Variants in LHFPL3 observed in about 807,000 individuals in gnomAD.
LHFPL3 encodes the protein LHFPL tetraspan subfamily member 3 protein.
LHFPL3 carries 5 observed loss-of-function variants against 19.3 expected under a neutral mutation model. The ratio of observed to expected loss-of-function variants is 0.26; its 90% confidence interval spans 0.14 to 0.54. LHFPL3 has a LOEUF of 0.54. Among genes scored for constraint, LHFPL3 ranks in the 20% least tolerant of loss-of-function variants. The pLI is 0.94. For missense variants in LHFPL3, 249 were observed against 307.4 expected, an observed-to-expected ratio of 0.81 and a Z score of 1.42; for synonymous variants, 133 against 126.2, an observed-to-expected ratio of 1.05 and a Z score of -0.36.
intron 1 of LHFPL3, among the ~76,000 whole-genome samples, chr7:104,679,049 T>C (rs1299579435): frequency 6.6e-6 from 1 of 152,260 alleles, no homozygotes; most frequent in African/African-American, 2.4e-5. Context: ...ACTTAAAACA[T>C]TAGTCACATA....
At chr7:104,855,560 A>T (rs1791486857) in intron 2 of LHFPL3, among the ~76,000 whole-genome samples, 1 of 152,234 alleles carries the variant, frequency 6.6e-6, no homozygotes, top group African/African-American at 2.4e-5. Context: ...TAGCTTAACA[A>T]TCCAAAAGAA....
intron 2 of LHFPL3, among the ~76,000 whole-genome samples, chr7:104,827,656 A>G (rs1354343947): frequency 6.6e-6 from 1 of 151,502 alleles, no homozygotes; most frequent in Non-Finnish European, 1.5e-5. Flanking sequence ...TAAGAAGCTG[A>G]CCTTTCCATA....
At chr7:104,571,424 A>G (rs1037078041) in intron 1 of LHFPL3, among the ~76,000 whole-genome samples, 2 of 152,118 alleles carry the variant, frequency 1.3e-5, no homozygotes, top group African/African-American at 4.8e-5. Context: ...TTCAGCATAA[A>G]TCACAGCATC....
intron 2 of LHFPL3, among the ~76,000 whole-genome samples, chr7:104,836,391 T>TTCCC (rs1219759583): frequency 6.6e-6 from 1 of 152,222 alleles, no homozygotes; most frequent in Non-Finnish European, 1.5e-5. Context: ...GTCTTGTTGC[T>TTCCC]TTCTTCTATT....
At chr7:104,360,847 G>T (rs939993954) in intron 1 of LHFPL3, among the ~76,000 whole-genome samples, 8 of 152,198 alleles carry the variant, frequency 5.3e-5, no homozygotes, top group African/African-American at 1.9e-4. Context: ...AAGACTCAAA[G>T]ATCCCCACTT....
chr7:104,426,943 A>G (rs1320935822), intron 1 of LHFPL3, among the ~76,000 whole-genome samples: 2 of 152,182 alleles, frequency 1.3e-5, no homozygotes, highest in Non-Finnish European at 1.5e-5. Context: ...CCAACCCCCA[A>G]CACGTGTGTG....
Position 104,801,040 on chromosome 7 carries a change from C to T in LHFPL3, c.682+64129C>T, listed in dbSNP as rs1790235327. ...GACTAAGAATATGTTTCCAGTTTCC[C>T]AAGGGCTGACCAATGTATGCAGGGA... On this transcript the variant is annotated intron_variant, in intron 2 of 2. Coordinates refer to ENST00000424859, the MANE Select transcript of LHFPL3 (RefSeq NM_199000.3). Among the ~76,000 whole-genome samples the T allele has an allele frequency of 5.3e-5, 8 of 152,192 alleles. No individual in the cohort carries two copies. The South Asian group carries it at 1.7e-3, about 31-fold the overall frequency.
chr7:104,459,276 C>A (rs1028504070), intron 1 of LHFPL3, among the ~76,000 whole-genome samples: 5 of 152,202 alleles, frequency 3.3e-5, no homozygotes, highest in Non-Finnish European at 5.9e-5. Flanking sequence ...TTCAACTCCA[C>A]ATTTAAGTAT....
intron 1 of LHFPL3, among the ~76,000 whole-genome samples, chr7:104,385,780 G>C (rs1311041873): frequency 6.6e-6 from 1 of 152,058 alleles, no homozygotes; most frequent in Non-Finnish European, 1.5e-5. Context: ...ATGTTTCTAA[G>C]TAGAAAACGA....
intron 1 of LHFPL3, among the ~76,000 whole-genome samples, chr7:104,449,753 G>C (rs1317417207): frequency 1.3e-5 from 2 of 152,148 alleles, no homozygotes; most frequent in Non-Finnish European, 2.9e-5. Flanking sequence ...CATCACTCCA[G>C]GGTGCTTTTC....
chr7:104,899,180 C>T (rs1792433755), intron 2 of LHFPL3, among the ~76,000 whole-genome samples: 1 of 151,698 alleles, frequency 6.6e-6, no homozygotes, highest in South Asian at 2.1e-4. Flanking sequence ...GTTATAAACA[C>T]CTTATAAGCA....
chr7:104,425,248 TG>T (rs1168611212), intron 1 of LHFPL3, among the ~76,000 whole-genome samples: 1 of 151,990 alleles, frequency 6.6e-6, no homozygotes, highest in East Asian at 1.9e-4. Flanking sequence ...TTTGGTGGGG[TG>T]GGGGTATCCC....
intron 1 of LHFPL3, among the ~76,000 whole-genome samples, chr7:104,380,686 A>G (rs1790809686): frequency 6.6e-6 from 1 of 152,224 alleles, no homozygotes; most frequent in South Asian, 2.1e-4. Context: ...CCTATGAATC[A>G]ACAGCATTTT....
chr7:104,728,992 T>A (rs757568308), intron 1 of LHFPL3, among the ~76,000 whole-genome samples: 3 of 152,222 alleles, frequency 2.0e-5, no homozygotes, highest in Non-Finnish European at 2.9e-5. Context: ...CATGGCTACT[T>A]TTCTTTTTTA....
rs576443311 is a variant in LHFPL3, at chr7:104,745,521, A to G, written c.682+8610A>G. On this transcript the variant is annotated intron_variant, in intron 2 of 2. Transcript: ENST00000424859. ...TTTGTTGTGGTATAACCCTGTAAGTATGTACCAAGAACCAATGCAATAACA... is the reference window on the plus strand; with the variant it reads ...TTTGTTGTGGTATAACCCTGTAAGTGTGTACCAAGAACCAATGCAATAACA... 1.8e-4 allele frequency among the ~76,000 whole-genome samples: 27 copies of G among 152,362 alleles called. 1 individual carries two copies. Among genetic ancestry groups the G allele is most frequent in the African/African-American group, 6.5e-4 (27 of 41,582 alleles).
At chr7:104,858,963 A>C (rs991441069) in intron 2 of LHFPL3, among the ~76,000 whole-genome samples, 1 of 115,576 alleles carries the variant, frequency 8.7e-6, no homozygotes, top group Non-Finnish European at 2.0e-5. Context: ...TTTTATTTAA[A>C]AAAAAAAAAA....
chr7:104,338,255 C>A (rs556999285), intron 1 of LHFPL3, among the ~76,000 whole-genome samples: 1 of 151,798 alleles, frequency 6.6e-6, no homozygotes, highest in East Asian at 1.9e-4. Flanking sequence ...CCCGCCACCA[C>A]GCCCGATTAA....
chr7:104,518,797 T>TGATAGATAGATAGATAGATA (rs56373754), intron 1 of LHFPL3, among the ~76,000 whole-genome samples: 4 of 138,540 alleles, frequency 2.9e-5, no homozygotes, highest in East Asian at 4.1e-4. Context: ...AATAAATAGA[T>TGATAGATAGATAGATAGATA]GATAGATAGA....
At chr7:104,591,392 A>G (rs1026146564) in intron 1 of LHFPL3, among the ~76,000 whole-genome samples, 6 of 152,184 alleles carry the variant, frequency 3.9e-5, no homozygotes, top group Admixed American at 3.9e-4. Flanking sequence ...TTGGCTGGAT[A>G]TGAAATTCTG....
Sources: allele counts gnomAD v4.1 joint callset (sites outside exome capture counted in the v4.1 genomes callset), GRCh38; gene constraint gnomAD v4.1.1; transcripts MANE v1.5; gene names NCBI Gene and HGNC (gene_info 2026-07-23, HGNC 2026-07-21).